RUBCN: variants seen among roughly 807,000 people sequenced by gnomAD.
RUBCN encodes the protein rubicon autophagy regulator, also known as run domain Beclin-1-interacting and cysteine-rich domain-containing protein.
Under a neutral mutation model 113.2 loss-of-function variants are expected in RUBCN, and 74 were observed. That is an observed-to-expected ratio of 0.65 (90% CI 0.54 to 0.79). The LOEUF (loss-of-function observed/expected upper bound fraction) is 0.79. Among genes scored for constraint, RUBCN ranks in the 30% least tolerant of loss-of-function variants. The pLI, the probability that RUBCN is intolerant of heterozygous loss-of-function variation, is 0.00. For synonymous variants in RUBCN, 480 were observed against 490.0 expected (o/e 0.98, Z 0.27); for missense variants, 1,109 against 1,251.7 (o/e 0.89, Z 1.72).
chr3:197,674,907 T>TTA lies in RUBCN; in HGVS notation c.*109_*110dup, dbSNP rs1451514598. The TTA allele has an allele frequency of 1.2e-5, 10 of 814,616 alleles. No individual in the cohort carries two copies. In the African/African-American group the frequency reaches 2.1e-4, roughly 17 times the overall value. 50.5% of individuals were successfully genotyped at this position (814,616 alleles called of 1,614,324 possible). ...AAAAAAAAAAAAAAGATGATGATAA[T>TTA]TAAAAAAAAAAAAAAAAAAAGAAGC... is the stretch of plus-strand genomic sequence containing the variant. On this transcript the variant is annotated 3_prime_UTR_variant, in exon 20 of 20. Coordinates refer to ENST00000296343, the MANE Select transcript of RUBCN (RefSeq NM_014687.4).
At chr3:197,744,088 T>C (rs889703257) in intron 1 of RUBCN, among the ~76,000 whole-genome samples, 1 of 151,484 alleles carries the variant, frequency 6.6e-6, no homozygotes, top group Admixed American at 6.6e-5. Context: ...CATACTTCTT[T>C]AATATACCAG....
chr3:197,700,866 A>G lies in RUBCN; in HGVS notation c.1008T>C (p.Thr336=), dbSNP rs1723571999. ...TGCTGCTGTGACTCTGACAGCTGGC[A>G]GTCCGGCCTCGGGGGTCCAAGTTGC... ...AIGNLDPRGR[T]ASCQSHSSNA... The change falls in exon 7 of 20, where the codon ACT becomes ACC. Residue 336 remains threonine (T), a synonymous_variant. Coordinates refer to ENST00000296343, the MANE Select transcript of RUBCN (RefSeq NM_014687.4). The G allele has an allele frequency of 6.2e-7, 1 of 1,614,082 alleles. No homozygotes were observed. Among genetic ancestry groups the G allele is most frequent in the Non-Finnish European group, 8.5e-7 (1 of 1,180,044 alleles).
rs1287117989 is a variant in RUBCN, at chr3:197,712,635, A to G, written c.219+5342T>C. Among the ~76,000 whole-genome samples, 4 of 152,332 alleles carry G rather than the reference A, an allele frequency of 2.6e-5. No homozygotes were observed. The East Asian group carries it at 7.7e-4, about 29-fold the overall frequency. Reference sequence around the variant, plus strand: ...TTTGATTCTTCCCACTAGAGCCTGCAGTTGCTAAATGTGTGTGTGTCCATA... The same window carrying G: ...TTTGATTCTTCCCACTAGAGCCTGCGGTTGCTAAATGTGTGTGTGTCCATA... On this transcript the variant is annotated intron_variant, in intron 2 of 19. Coordinates refer to ENST00000296343, the MANE Select transcript of RUBCN (RefSeq NM_014687.4).
At chr3:197,725,520 C>CTTTTTTTTTTT (rs10718685) in intron 1 of RUBCN, among the ~76,000 whole-genome samples, 29 of 75,336 alleles carry the variant, frequency 3.8e-4, no homozygotes, top group South Asian at 6.4e-4. Context: ...ACAGGAGAAT[C>CTTTTTTTTTTT]TTTTTTTTTT....
intron 1 of RUBCN, among the ~76,000 whole-genome samples, chr3:197,733,913 C>T (rs568512382): frequency 6.6e-6 from 1 of 152,288 alleles, no homozygotes; most frequent in East Asian, 1.9e-4. Context: ...TCTTATACTT[C>T]CGTTGTTACT....
intron 14 of RUBCN, among the ~76,000 whole-genome samples, 188 bp from the exon 15 acceptor site, chr3:197,682,087 C>T (rs1721308888): frequency 6.6e-6 from 1 of 152,102 alleles, no homozygotes; most frequent in South Asian, 2.1e-4. Context: ...TAGGTCTAGG[C>T]AGTCACTCTG....
chr3:197,733,828 G>A lies in RUBCN; in HGVS notation c.65+2827C>T, dbSNP rs138165033. Among the ~76,000 whole-genome samples the A allele has an allele frequency of 1.2e-3, 184 of 152,254 alleles. 1 individual carries two copies. Among genetic ancestry groups the A allele is most frequent in the South Asian group, 5.6e-3 (27 of 4,818 alleles). On this transcript the variant is annotated intron_variant, in intron 1 of 19. Coordinates refer to ENST00000296343, the MANE Select transcript of RUBCN (RefSeq NM_014687.4). The stretch of plus-strand genomic sequence containing the variant: ...GGCAATCATAAAAAGAATAAAAGAC[G>A]GGAAAAGATTCTGCAAAGGAGCTAT...
intron 2 of RUBCN, among the ~76,000 whole-genome samples, chr3:197,714,118 G>A (rs1725261340): frequency 6.6e-6 from 1 of 151,992 alleles, no homozygotes; most frequent in African/African-American, 2.4e-5. Context: ...TATATAATTT[G>A]CCCAGCACCA....
At chr3:197,717,457 G>A (rs1038064655) in intron 2 of RUBCN, among the ~76,000 whole-genome samples, 3 of 151,598 alleles carry the variant, frequency 2.0e-5, no homozygotes, top group Non-Finnish European at 2.9e-5. Flanking sequence ...AAAAAAAAGG[G>A]GGGGGCAGAG....
rs752508874 is a variant in RUBCN, at chr3:197,718,182, C to T, written c.66-52G>A. 5.0e-6 allele frequency: 8 copies of T among 1,603,434 alleles called. No individual in the cohort carries two copies. In the South Asian group the frequency reaches 5.5e-5, roughly 11 times the overall value. On this transcript the variant is annotated intron_variant, in intron 1 of 19. Transcript: ENST00000296343. Reference sequence around the variant, plus strand: ...GTTAGTTACCTTTGCTGTACTTGATCCTGATCATATCAAAGAAAGTCTAAG... The same window carrying T: ...GTTAGTTACCTTTGCTGTACTTGATTCTGATCATATCAAAGAAAGTCTAAG...
chr3:197,687,011 C>T (rs1011183334), intron 11 of RUBCN, among the ~76,000 whole-genome samples: 1 of 152,280 alleles, frequency 6.6e-6, no homozygotes, highest in South Asian at 2.1e-4. Flanking sequence ...TGGTATTGAA[C>T]GATCAGAGAA....
intron 1 of RUBCN, among the ~76,000 whole-genome samples, chr3:197,718,488 C>A (rs972993540): frequency 2.0e-4 from 31 of 152,148 alleles, no homozygotes; most frequent in African/African-American, 7.5e-4. Flanking sequence ...TTAACTCTGT[C>A]ACCCAGGCTG....
Position 197,701,814 on chromosome 3 carries a change from C to A in RUBCN, c.621G>T (p.Leu207=). The change falls in exon 6 of 20, where the codon CTG becomes CTT. Residue 207 remains leucine (L), a synonymous_variant. Transcript: ENST00000296343. ...TGTATGTGGAACTGGGCAGGGCTGT[C>A]AGGCTCTGGCTCTTTGTCACCAGGA... The part of the protein sequence containing the change: ...SPLLVTKSQS[L]TALPSSTYTP... The A allele has an allele frequency of 6.2e-7, 1 of 1,614,152 alleles. No individual in the cohort carries two copies. The highest frequency in any genetic ancestry group is 8.5e-7 in the Non-Finnish European group (1 of 1,180,002).
rs777150671 is a variant in RUBCN, at chr3:197,718,141, A to G, written c.66-11T>C. On this transcript the variant is annotated splice_polypyrimidine_tract_variant and intron_variant, in intron 1 of 19. Transcript: ENST00000296343. ...TGCCAGTGCTCCCTCCTGCAAGGGC[A>G]TCAGTTACACCAATCGTTAGTTACC... 1.7e-5 allele frequency: 28 copies of G among 1,614,118 alleles called. No individual in the cohort carries two copies. Among genetic ancestry groups the G allele is most frequent in the Non-Finnish European group, 7.6e-6 (9 of 1,180,028 alleles).
At chr3:197,677,810 T>A (rs1181947995) in intron 16 of RUBCN, among the ~76,000 whole-genome samples, 3 of 142,198 alleles carry the variant, frequency 2.1e-5, no homozygotes, top group East Asian at 4.3e-4. Context: ...TGTCCCACAC[T>A]CTGACTGACA....
chr3:197,694,238 A>T (rs771139288), intron 10 of RUBCN, 137 bp downstream of exon 10: 1 of 834,728 alleles, frequency 1.2e-6, no homozygotes, highest in Non-Finnish European at 2.1e-6. Flanking sequence ...CTCTAGGATG[A>T]GTATTCCTAG....
chr3:197,703,799 C>G, intron 4 of RUBCN, 145 bp from the exon 5 acceptor site: 1 of 682,892 alleles, frequency 1.5e-6, no homozygotes, highest in South Asian at 1.6e-5. Flanking sequence ...AGCTGAAGAA[C>G]GCGAGGTGCA....
At chr3:197,705,070 G>C in intron 3 of RUBCN, 22 bp downstream of exon 3, 1 of 1,594,162 alleles carries the variant, frequency 6.3e-7, no homozygotes, top group Non-Finnish European at 8.6e-7. Flanking sequence ...TGCCAGCACA[G>C]CCGCTCTGCT....
chr3:197,693,240 ACCGACCGCAAG>A (rs1722628954), intron 11 of RUBCN, among the ~76,000 whole-genome samples: 1 of 152,222 alleles, frequency 6.6e-6, no homozygotes, highest in Non-Finnish European at 1.5e-5. Context: ...AGCAGTGAGC[ACCGACCGCAAG>A]GGCAGAAATT....
Sources: allele counts gnomAD v4.1 joint callset (sites outside exome capture counted in the v4.1 genomes callset), GRCh38; gene constraint gnomAD v4.1.1; transcripts MANE v1.5; gene names NCBI Gene and HGNC (gene_info 2026-07-23, HGNC 2026-07-21).